SIK3: variants seen among roughly 807,000 people sequenced by gnomAD.
The protein encoded by SIK3 is SIK family kinase 3, also known as serine/threonine-protein kinase SIK3.
In SIK3, 28 loss-of-function variants were observed where a neutral mutation model predicts 144.2. The ratio of observed to expected loss-of-function variants is 0.19; its 90% CI spans 0.14 to 0.27. The LOEUF is 0.27. Among genes scored for constraint, SIK3 ranks in the 10% least tolerant of loss-of-function variants. The pLI is 1.00. For synonymous variants in SIK3, 686 were observed against 676.3 expected (o/e 1.01, Z -0.22); for missense variants, 1,319 against 1,776.0 (o/e 0.74, Z 4.62).
chr11:117,051,035 T>C (rs1330650791), intron 1 of SIK3, among the ~76,000 whole-genome samples: 4 of 152,132 alleles, frequency 2.6e-5, no homozygotes, highest in Non-Finnish European at 5.9e-5. Flanking sequence ...AGATTAGCAT[T>C]TGAATCAGTA....
chr11:116,852,762 C>T (rs1565358839), intron 21 of SIK3, among the ~76,000 whole-genome samples: 1 of 152,192 alleles, frequency 6.6e-6, no homozygotes, highest in Non-Finnish European at 1.5e-5. Flanking sequence ...GGACAATATA[C>T]CCATATGTAA....
At chr11:116,950,785 C>A (rs1948899052) in intron 3 of SIK3, among the ~76,000 whole-genome samples, 1 of 152,304 alleles carries the variant, frequency 6.6e-6, no homozygotes, top group East Asian at 1.9e-4. Context: ...GGAAGCCCTG[C>A]GTTCTTGGCT....
chr11:117,029,656 A>G (rs1952171414), intron 1 of SIK3, among the ~76,000 whole-genome samples: 3 of 152,046 alleles, frequency 2.0e-5, no homozygotes, highest in Non-Finnish European at 4.4e-5. Flanking sequence ...TTAAAATGTA[A>G]TGATTGACCA....
In SIK3 at chr11:116,911,862, T is replaced by C. The variant is rs1326447213; in HGVS notation, c.617-14545A>G. On this transcript the variant is annotated intron_variant, in intron 4 of 24. Coordinates refer to ENST00000445177, the MANE Select transcript of SIK3 (RefSeq NM_001366686.3). ...TTGATATCCCTTACTGCTTATTTAC[T>C]GGCAATGGGAAAGATGTATGACCTA... 2.0e-5 allele frequency among the ~76,000 whole-genome samples: 3 copies of C among 152,188 alleles called. 1 individual carries two copies. Among genetic ancestry groups the C allele is most frequent in the African/African-American group, 7.2e-5 (3 of 41,434 alleles).
At chr11:116,886,758 A>T (rs889784989) in intron 6 of SIK3, among the ~76,000 whole-genome samples, 1 of 152,042 alleles carries the variant, frequency 6.6e-6, no homozygotes, top group African/African-American at 2.4e-5. Context: ...TTGTTAAAAA[A>T]ATATATTGAA....
intron 1 of SIK3, among the ~76,000 whole-genome samples, chr11:117,083,576 TA>T (rs1954880789): frequency 6.6e-6 from 1 of 152,046 alleles, no homozygotes; most frequent in Non-Finnish European, 1.5e-5. Flanking sequence ...TTTGAGAGTT[TA>T]AAAAAATGAA....
At chr11:116,888,926 C>A (rs908671957) in intron 6 of SIK3, among the ~76,000 whole-genome samples, 1 of 152,140 alleles carries the variant, frequency 6.6e-6, no homozygotes, top group Non-Finnish European at 1.5e-5. Context: ...TCTAGGACCC[C>A]CTATCTGAAG....
chr11:116,882,572 T>C (rs1043258157), intron 6 of SIK3, among the ~76,000 whole-genome samples: 1 of 152,168 alleles, frequency 6.6e-6, no homozygotes. Flanking sequence ...AACTGAGTCA[T>C]GGATTCTTTC....
chr11:116,922,738 GATGC>G (rs1947055970), intron 4 of SIK3, among the ~76,000 whole-genome samples: 1 of 149,934 alleles, frequency 6.7e-6, no homozygotes, highest in Non-Finnish European at 1.5e-5. Flanking sequence ...CACGAAACTG[GATGC>G]ATGATTATTT....
intron 3 of SIK3, among the ~76,000 whole-genome samples, chr11:116,946,587 G>A (rs1948600899): frequency 6.6e-6 from 1 of 152,112 alleles, no homozygotes; most frequent in Non-Finnish European, 1.5e-5. Context: ...TCTTTCAAGG[G>A]TGCTCACTAT....
At chr11:116,947,479 A>G (rs1315808459) in intron 3 of SIK3, among the ~76,000 whole-genome samples, 1 of 150,636 alleles carries the variant, frequency 6.6e-6, no homozygotes, top group African/African-American at 2.4e-5. Context: ...AAGACTATCA[A>G]TTTGCAACCA....
chr11:117,003,110 T>C (rs1356767084), intron 1 of SIK3, among the ~76,000 whole-genome samples: 1 of 152,214 alleles, frequency 6.6e-6, no homozygotes, highest in East Asian at 1.9e-4. Context: ...GAGAACAGTG[T>C]GCCTACCACA....
intron 3 of SIK3, among the ~76,000 whole-genome samples, chr11:116,944,464 AGC>A: frequency 2.4e-5 from 1 of 41,780 alleles, no homozygotes; most frequent in South Asian, 3.9e-4. Context: ...CAATCATGTG[AGC>A]AATCAATCAA....
At chr11:117,058,255 C>T (rs1052545930) in intron 1 of SIK3, among the ~76,000 whole-genome samples, 1 of 152,122 alleles carries the variant, frequency 6.6e-6, no homozygotes, top group Non-Finnish European at 1.5e-5. Context: ...GGTGCAGTGG[C>T]TCACACCTGT....
At chr11:116,982,985 G>T (rs1345529162) in intron 1 of SIK3, among the ~76,000 whole-genome samples, 4 of 148,846 alleles carry the variant, frequency 2.7e-5, no homozygotes, top group African/African-American at 1.0e-4. Context: ...GACCCGAGGG[G>T]ATTTCTCTGA....
chr11:116,875,922 C>T lies in SIK3; in HGVS notation c.1183G>A (p.Gly395Arg), dbSNP rs371277767. The T allele has an allele frequency of 2.2e-5, 36 of 1,612,822 alleles. No individual in the cohort carries two copies. In the East Asian group the frequency reaches 6.2e-4, roughly 28 times the overall value. ...GCTCGGGGCATGCTAGGAAGTGCTC[C>T]GAGACGCAGGGTTTTATGTCTCTTA... is the stretch of plus-strand genomic sequence containing the variant. ...RHKRHKTLRL[G>R]ALPSMPRALA... The change falls in exon 9 of 25, where the codon GGA becomes AGA. Residue 395 changes from glycine (G) to arginine (R), a missense_variant. Physicochemically the swap from Gly to Arg is moderately radical, Grantham distance 125 (BLOSUM62 -2). Around this residue, in one of 8 missense-constraint regions of SIK3, gnomAD observed 109 missense variants for 109.3 expected, o/e 1.00. Transcript: ENST00000445177.
chr11:116,983,178 G>T lies in SIK3; in HGVS notation c.274-26114C>A, dbSNP rs553981025. 6.7e-5 allele frequency among the ~76,000 whole-genome samples: 10 copies of T among 149,698 alleles called. No homozygotes were observed. The East Asian group carries it at 1.8e-3, about 27-fold the overall frequency. On this transcript the variant is annotated intron_variant, in intron 1 of 24. Coordinates refer to ENST00000445177, the MANE Select transcript of SIK3 (RefSeq NM_001366686.3). ...GGAGGCGGAGCTTGCAGTGAGCCAAGATTCGGCCACTGCACACCAGCCTGG... is the reference window on the plus strand; with the variant it reads ...GGAGGCGGAGCTTGCAGTGAGCCAATATTCGGCCACTGCACACCAGCCTGG...
intron 11 of SIK3, 118 bp downstream of exon 11, chr11:116,875,040 C>T: frequency 1.4e-6 from 1 of 733,076 alleles, no homozygotes; most frequent in Admixed American, 2.5e-5. Context: ...CACTTGGCCA[C>T]TGGATTAGAT....
At chr11:117,077,530 T>A (rs1437731256) in intron 1 of SIK3, among the ~76,000 whole-genome samples, 1 of 152,142 alleles carries the variant, frequency 6.6e-6, no homozygotes, top group East Asian at 1.9e-4. Flanking sequence ...TTGGAAAAAA[T>A]CTTCAGTCAA....
Sources: allele counts gnomAD v4.1 joint callset (sites outside exome capture counted in the v4.1 genomes callset), GRCh38; gene constraint gnomAD v4.1.1; regional missense constraint gnomAD v4.1.1; transcripts MANE v1.5; gene names NCBI Gene and HGNC (gene_info 2026-07-23, HGNC 2026-07-21).